Variants in NEBL observed in about 807,000 individuals in gnomAD.
NEBL encodes LIM and SH3 protein 2.
Under a neutral mutation model 140.2 loss-of-function variants are expected in NEBL, and 122 were observed. That is an observed-to-expected ratio of 0.87 (90% CI 0.75 to 1.01). The LOEUF is 1.01. NEBL is among the 50% of genes least tolerant of loss of function. The probability of loss-of-function intolerance (pLI) is 0.00; values close to 1 mark genes in which losing one functional copy is unlikely to be tolerated. For synonymous variants in NEBL, 436 were observed against 398.9 expected (o/e 1.09, Z -1.11); for missense variants, 1,365 against 1,231.3 (o/e 1.11, Z -1.62).
chr10:20,948,253 C>T (rs922286341), intron 4 of NEBL, among the ~76,000 whole-genome samples: 1 of 152,170 alleles, frequency 6.6e-6, no homozygotes, highest in Non-Finnish European at 1.5e-5. Context: ...ATAATCTTAA[C>T]CATCTGTCCG....
At chr10:21,146,818 A>G (rs1160261615) in intron 2 of NEBL, among the ~76,000 whole-genome samples, 1 of 152,222 alleles carries the variant, frequency 6.6e-6, no homozygotes, top group Non-Finnish European at 1.5e-5. Flanking sequence ...ATAATATTTT[A>G]TGCTGCTTTA....
chr10:20,888,974 T>A (rs535260416), intron 3 of NEBL, among the ~76,000 whole-genome samples: 2 of 152,304 alleles, frequency 1.3e-5, no homozygotes, highest in South Asian at 4.1e-4. Flanking sequence ...TGAGCACAGA[T>A]CCTGTGCTAG....
chr10:21,170,618 A>G (rs1048146544), intron 2 of NEBL: 6 of 152,660 alleles, frequency 3.9e-5, no homozygotes, highest in African/African-American at 1.4e-4. Context: ...CGAAGACATC[A>G]GAAAGTTTGG....
At chr10:20,937,930 A>C (rs978372833) in intron 4 of NEBL, among the ~76,000 whole-genome samples, 1 of 152,184 alleles carries the variant, frequency 6.6e-6, no homozygotes, top group South Asian at 2.1e-4. Context: ...GTAGGTAAAC[A>C]AAGCGGCCAG....
intron 18 of NEBL, among the ~76,000 whole-genome samples, chr10:20,823,814 G>A (rs569376688): frequency 5.3e-5 from 8 of 151,998 alleles, no homozygotes; most frequent in Non-Finnish European, 1.2e-4. Context: ...AAAATAAAGT[G>A]AGCACAATAA....
At chr10:20,845,143 A>T in intron 12 of NEBL, 115 bp downstream of exon 12, 1 of 663,398 alleles carries the variant, frequency 1.5e-6, no homozygotes, top group East Asian at 2.8e-5. Flanking sequence ...AGTGAAAAAA[A>T]AGAGTAATGC....
chr10:21,173,357 G>A lies in NEBL; in HGVS notation c.69+408C>T, dbSNP rs1339708352. On this transcript the variant is annotated intron_variant, in intron 1 of 6. Coordinates refer to the NEBL transcript ENST00000417816. This position sits in a 1 kb window ranked among gnomAD's most constrained non-coding sequence, Gnocchi z 5.7. ...GTCACAGGAGGCGCTGCGGGTGGGC[G>A]GTGAGGTGGGATCGCGGGCGGATCT... 1.4e-5 allele frequency among the ~76,000 whole-genome samples: 2 copies of A among 147,396 alleles called. No individual in the cohort carries two copies. The highest frequency in any genetic ancestry group is 2.2e-4 in the East Asian group (1 of 4,648).
chr10:21,091,965 T>G (rs1333126160), intron 2 of NEBL, among the ~76,000 whole-genome samples: 1 of 152,222 alleles, frequency 6.6e-6, no homozygotes, highest in Non-Finnish European at 1.5e-5. Context: ...TCATCTTGCA[T>G]TTGCTATTGA....
intron 3 of NEBL, among the ~76,000 whole-genome samples, chr10:21,230,422 C>A (rs1035237359): frequency 1.3e-5 from 2 of 152,072 alleles, no homozygotes; most frequent in Non-Finnish European, 2.9e-5. Flanking sequence ...TGTTAGTTTC[C>A]TTCCCATGTC....
intron 3 of NEBL, among the ~76,000 whole-genome samples, chr10:20,988,766 G>A (rs1837349154): frequency 6.6e-6 from 1 of 152,174 alleles, no homozygotes; most frequent in Admixed American, 6.5e-5. Context: ...GCAGATGTTT[G>A]TCCCACCACA....
chr10:20,792,103 C>T (rs1351654909), intron 26 of NEBL, among the ~76,000 whole-genome samples: 4 of 135,728 alleles, frequency 2.9e-5, no homozygotes, highest in African/African-American at 5.6e-5. Context: ...GAGATACAGT[C>T]GATGGCCAAA....
intron 4 of NEBL, among the ~76,000 whole-genome samples, chr10:20,948,307 G>A (rs1170400111): frequency 6.6e-6 from 1 of 152,198 alleles, no homozygotes; most frequent in Non-Finnish European, 1.5e-5. Flanking sequence ...ATAACATAAA[G>A]CCTAGGATCA....
chr10:20,878,481 C>T (rs988607970), intron 5 of NEBL, among the ~76,000 whole-genome samples: 1 of 152,134 alleles, frequency 6.6e-6, no homozygotes, highest in South Asian at 2.1e-4. Flanking sequence ...TGAACTTTTA[C>T]AGGAGACAGG....
At chr10:21,051,166 A>G (rs1197963558) in intron 2 of NEBL, among the ~76,000 whole-genome samples, 1 of 152,208 alleles carries the variant, frequency 6.6e-6, no homozygotes, top group African/African-American at 2.4e-5. Context: ...CAACCTGACT[A>G]TGACCACATC....
At chr10:20,786,132 A>G (rs1422641382) in intron 27 of NEBL, among the ~76,000 whole-genome samples, 1 of 152,226 alleles carries the variant, frequency 6.6e-6, no homozygotes, top group Non-Finnish European at 1.5e-5. Context: ...GAACAGGGAT[A>G]GAAAAGTCAC....
chr10:21,210,371 G>A (rs996762658), intron 3 of NEBL, among the ~76,000 whole-genome samples: 2 of 152,102 alleles, frequency 1.3e-5, no homozygotes, highest in Non-Finnish European at 2.9e-5. Context: ...TCCAGCCTGG[G>A]TGACAAGCAA....
intron 5 of NEBL, among the ~76,000 whole-genome samples, chr10:20,870,096 G>T (rs1369786424): frequency 1.3e-5 from 2 of 151,926 alleles, no homozygotes; most frequent in African/African-American, 4.8e-5. Flanking sequence ...GGAGGCCTAG[G>T]TGGGCGGATC....
chr10:20,866,522 T>C (rs1179347606), intron 7 of NEBL, among the ~76,000 whole-genome samples: 2 of 152,154 alleles, frequency 1.3e-5, no homozygotes, highest in Non-Finnish European at 1.5e-5. Flanking sequence ...TAAACTCTTC[T>C]CAAAATCCTT....
At chr10:20,846,103 G>A (rs1841912968) in intron 11 of NEBL, among the ~76,000 whole-genome samples, 2 of 152,052 alleles carry the variant, frequency 1.3e-5, no homozygotes, top group African/African-American at 4.8e-5. Context: ...GCCACTCTTT[G>A]GCTATGACTC....
Sources: allele counts gnomAD v4.1 joint callset (sites outside exome capture counted in the v4.1 genomes callset), GRCh38; gene constraint gnomAD v4.1.1; non-coding constraint Gnocchi (gnomAD v3.1); transcripts MANE v1.5; gene names NCBI Gene and HGNC (gene_info 2026-07-23, HGNC 2026-07-21).